NBEA: variants seen among roughly 807,000 people sequenced by gnomAD.
NBEA encodes neurobeachin.
NBEA carries 44 observed loss-of-function variants against 343.4 expected under a neutral mutation model. The ratio of observed to expected loss-of-function variants is 0.13; its 90% CI spans 0.10 to 0.16. The LOEUF is 0.16. Ranked by LOEUF, NBEA falls within the 10% of genes least tolerant of loss-of-function variation. The pLI is 1.00. For missense variants in NBEA, 2,555 were observed against 3,631.3 expected (o/e 0.70, Z 7.62); for synonymous variants, 1,175 against 1,238.7 (o/e 0.95, Z 1.08).
chr13:35,475,635 C>T (rs775057708), intron 41 of NBEA: 26 of 1,613,754 alleles, frequency 1.6e-5, no homozygotes, highest in African/African-American at 6.7e-5. Flanking sequence ...GCGTGATCTG[C>T]ACCACGTACC....
At position 35,042,905 on chromosome 13, in the gene NBEA, A is replaced by G. The variant is rs576882003; in HGVS notation, c.526+1741A>G. On this transcript the variant is annotated intron_variant, in intron 2 of 58. Transcript: ENST00000379939. ...AATGTATTGTAGTATGTTAAATTCA[A>G]TGGGGTACTTTTTATTTAATAATGT... is the stretch of plus-strand genomic sequence containing the variant. Among the ~76,000 whole-genome samples the G allele has an allele frequency of 3.8e-4, 58 of 151,980 alleles. 1 individual carries two copies. Among genetic ancestry groups the G allele is most frequent in the East Asian group, 7.7e-4 (4 of 5,184 alleles).
intron 38 of NBEA, among the ~76,000 whole-genome samples, chr13:35,414,868 T>G (rs990658905): frequency 1.3e-5 from 2 of 152,216 alleles, no homozygotes; most frequent in African/African-American, 4.8e-5. Context: ...GTGTTCCTAT[T>G]TCTCCACATC....
Position 35,118,297 on chromosome 13 carries a change from C to T in NBEA, c.2145+7C>T. ...CCTACTTACGATGCATGAGGTAGGA[C>T]ATGTTATGGGCCTTTTATTTTAATT... On this transcript the variant is annotated splice_region_variant and intron_variant, in intron 15 of 58. Coordinates refer to ENST00000379939, the MANE Select transcript of NBEA (RefSeq NM_001385012.1). The T allele has an allele frequency of 6.4e-7, 1 of 1,566,234 alleles. No individual in the cohort carries two copies. Among genetic ancestry groups the T allele is most frequent in the East Asian group, 2.3e-5 (1 of 42,714 alleles).
chr13:35,070,188 A>G (rs1344297203), intron 9 of NBEA, 83 bp downstream of exon 9: 6 of 1,281,564 alleles, frequency 4.7e-6, no homozygotes, highest in African/African-American at 3.1e-5. Flanking sequence ...TTGCTCATCT[A>G]TAAATCTATG....
chr13:35,227,013 C>A (rs2074691345), intron 33 of NBEA, among the ~76,000 whole-genome samples: 1 of 152,010 alleles, frequency 6.6e-6, no homozygotes, highest in African/African-American at 2.4e-5. Context: ...ATTTCTTAGT[C>A]TTCTATAGCT....
At chr13:35,435,315 A>C (rs148583728) in intron 39 of NBEA, among the ~76,000 whole-genome samples, 4 of 152,186 alleles carry the variant, frequency 2.6e-5, no homozygotes, top group African/African-American at 9.6e-5. Flanking sequence ...GCTCGGCCTT[A>C]CAGCACATTT....
chr13:34,997,993 GTAAC>G (rs745608022), intron 1 of NBEA, among the ~76,000 whole-genome samples: 2 of 152,094 alleles, frequency 1.3e-5, no homozygotes, highest in Admixed American at 6.6e-5. Flanking sequence ...TTAAAGGCAT[GTAAC>G]TAACTATTGG....
Position 35,160,745 on chromosome 13 carries a change from A to G in NBEA, c.3861+713A>G, listed in dbSNP as rs533015759. On this transcript the variant is annotated intron_variant, in intron 22 of 58. Coordinates refer to ENST00000379939, the MANE Select transcript of NBEA (RefSeq NM_001385012.1). ...TTCAGTTTTGACCTCACTGGAATAA[A>G]GCTAAAAACAGATGATGTTTTCTGA... Among the ~76,000 whole-genome samples, 139 of 152,286 alleles carry G rather than the reference A, an allele frequency of 9.1e-4. 1 individual carries two copies. Among genetic ancestry groups the G allele is most frequent in the African/African-American group, 3.2e-3 (132 of 41,572 alleles).
intron 1 of NBEA, among the ~76,000 whole-genome samples, chr13:35,001,171 C>T (rs1395292342): frequency 6.6e-6 from 1 of 152,036 alleles, no homozygotes; most frequent in Non-Finnish European, 1.5e-5. Flanking sequence ...AAGGAAGAAA[C>T]AAATGCTGGG....
intron 1 of NBEA, among the ~76,000 whole-genome samples, chr13:34,967,856 C>T (rs2059875001): frequency 1.3e-5 from 2 of 151,994 alleles, no homozygotes; most frequent in Non-Finnish European, 2.9e-5. Flanking sequence ...TAGTGCAAAC[C>T]TCTTAAATTA....
intron 38 of NBEA, among the ~76,000 whole-genome samples, chr13:35,354,915 C>T (rs908766190): frequency 3.3e-5 from 5 of 152,114 alleles, no homozygotes; most frequent in African/African-American, 1.2e-4. Flanking sequence ...TGATAGTCAC[C>T]TCACACCTAA....
intron 10 of NBEA, among the ~76,000 whole-genome samples, chr13:35,079,787 G>C (rs1032906561): frequency 2.0e-5 from 3 of 152,044 alleles, no homozygotes; most frequent in Non-Finnish European, 4.4e-5. Context: ...CTAGAAAGTA[G>C]GTTAGGTCAC....
intron 8 of NBEA, among the ~76,000 whole-genome samples, chr13:35,064,867 C>T (rs994853246): frequency 1.1e-4 from 16 of 151,626 alleles, no homozygotes; most frequent in African/African-American, 3.9e-4. Context: ...TGCTGACACC[C>T]ATATGTCAGA....
At chr13:35,390,796 A>G (rs1566065152) in intron 38 of NBEA, among the ~76,000 whole-genome samples, 1 of 152,106 alleles carries the variant, frequency 6.6e-6, no homozygotes, top group African/African-American at 2.4e-5. Flanking sequence ...TAAATCTTAA[A>G]TTTTATATTT....
intron 41 of NBEA, among the ~76,000 whole-genome samples, chr13:35,482,403 C>G (rs1299216524): frequency 1.3e-5 from 2 of 150,578 alleles, no homozygotes; most frequent in Admixed American, 6.6e-5. Context: ...TCAATATTTT[C>G]ACTATTGTAA....
At chr13:35,427,007 C>T (rs563821456) in intron 38 of NBEA, among the ~76,000 whole-genome samples, 2 of 152,304 alleles carry the variant, frequency 1.3e-5, no homozygotes, top group African/African-American at 4.8e-5. Flanking sequence ...GACTTCTCTG[C>T]ATTGGTTATT....
At chr13:35,078,285 G>T (rs1472081201) in intron 10 of NBEA, among the ~76,000 whole-genome samples, 1 of 152,146 alleles carries the variant, frequency 6.6e-6, no homozygotes, top group Admixed American at 6.6e-5. Flanking sequence ...TCCAGCATTT[G>T]CTAGTTATAG....
At chr13:34,970,245 T>C (rs1347166221) in intron 1 of NBEA, among the ~76,000 whole-genome samples, 1 of 152,186 alleles carries the variant, frequency 6.6e-6, no homozygotes, top group Non-Finnish European at 1.5e-5. Context: ...ATGGCATTGT[T>C]TGTTTTTTTT....
Position 35,335,647 on chromosome 13 carries a change from G to C in NBEA, c.5904-13461G>C, listed in dbSNP as rs145915574. 5.9e-5 allele frequency among the ~76,000 whole-genome samples: 9 copies of C among 152,112 alleles called. No individual in the cohort carries two copies. The East Asian group carries it at 1.7e-3, about 29-fold the overall frequency. ...GATGGTTTTATTAGGACACAACTTC[G>C]TAAGTCAGAAAACATCTGTGTAGAT... On this transcript the variant is annotated intron_variant, in intron 36 of 58. Coordinates refer to ENST00000379939, the MANE Select transcript of NBEA (RefSeq NM_001385012.1).
Sources: allele counts gnomAD v4.1 joint callset (sites outside exome capture counted in the v4.1 genomes callset), GRCh38; gene constraint gnomAD v4.1.1; transcripts MANE v1.5; gene names NCBI Gene and HGNC (gene_info 2026-07-23, HGNC 2026-07-21).